Variants in NRIP1 observed in about 807,000 individuals in gnomAD.
The protein encoded by NRIP1 is nuclear receptor-interacting protein 1.
NRIP1 carries 28 observed loss-of-function variants against 75.0 expected under a neutral mutation model. The ratio of observed to expected loss-of-function variants is 0.37; its 90% CI spans 0.28 to 0.51. NRIP1 has a LOEUF of 0.51. NRIP1 is among the 20% of genes least tolerant of loss of function. The probability of loss-of-function intolerance (pLI) is 0.92; values close to 1 mark genes in which losing one functional copy is unlikely to be tolerated. For missense variants in NRIP1, 1,435 were observed against 1,343.7 expected, an observed-to-expected ratio of 1.07 and a Z score of -1.06; for synonymous variants, 526 against 487.6, an observed-to-expected ratio of 1.08 and a Z score of -1.04.
intron 3 of NRIP1, among the ~76,000 whole-genome samples, chr21:15,010,355 A>T (rs900751864): frequency 6.6e-6 from 1 of 151,906 alleles, no homozygotes; most frequent in Non-Finnish European, 1.5e-5. Context: ...AATTATTTTG[A>T]TTCCTTCATT....
chr21:15,050,169 T>C (rs1251778706), intron 1 of NRIP1: 1 of 153,344 alleles, frequency 6.5e-6, no homozygotes, highest in African/African-American at 2.4e-5. Flanking sequence ...ATGAAATATA[T>C]GTGTGTAACT....
In NRIP1 at chr21:14,964,962, A is replaced by G; in HGVS notation, c.3231T>C (p.Asn1077=). 1 of 1,613,984 alleles carries G rather than the reference A, an allele frequency of 6.2e-7. No homozygotes were observed. ...CTTGTGTTTCTCGACTGGTAACAGA[A>G]TTGCCTCCTTTTTGAAGCATGTAAT... The part of the protein sequence containing the change: ...ILYYMLQKGG[N]SVTSRETQDK... The change falls in exon 4 of 4, where the codon AAT becomes AAC. Residue 1077 remains asparagine (N), a synonymous_variant. Coordinates refer to ENST00000318948, the MANE Select transcript of NRIP1 (RefSeq NM_003489.4).
At position 14,968,157 on chromosome 21, in the gene NRIP1, G is replaced by A. The variant is rs1176247734; in HGVS notation, c.36C>T (p.His12=). The part of the protein sequence containing the change: ...THGEELGSDV[H]QDSIVLTYLE... ...GGTAAGTTAAAACAATAGAATCCTG[G>A]TGCACATCAGAGCCAAGCTCTTCTC... The change falls in exon 4 of 4, where the codon CAC becomes CAT. Residue 12 remains histidine (H), a synonymous_variant. Coordinates refer to ENST00000318948, the MANE Select transcript of NRIP1 (RefSeq NM_003489.4). 1 of 1,613,302 alleles carries A rather than the reference G, an allele frequency of 6.2e-7. No individual in the cohort carries two copies. The highest frequency in any genetic ancestry group is 1.7e-5 in the Admixed American group (1 of 59,944).
chr21:15,061,455 T>C (rs1334335688), intron 1 of NRIP1, among the ~76,000 whole-genome samples: 1 of 152,132 alleles, frequency 6.6e-6, no homozygotes, highest in Non-Finnish European at 1.5e-5. Context: ...CTAGACAGTG[T>C]TTATTTTAGA....
intron 1 of NRIP1, among the ~76,000 whole-genome samples, chr21:15,059,114 G>A (rs1158134869): frequency 6.6e-6 from 1 of 152,114 alleles, no homozygotes; most frequent in Non-Finnish European, 1.5e-5. Flanking sequence ...CCAAAGCTCT[G>A]AATAAACATC....
chr21:15,019,500 T>C (rs1165682875), intron 2 of NRIP1, among the ~76,000 whole-genome samples: 2 of 124,076 alleles, frequency 1.6e-5, no homozygotes, highest in Non-Finnish European at 3.2e-5. Flanking sequence ...TTTTTTTTTT[T>C]TTTTTTGAGA....
intron 3 of NRIP1, among the ~76,000 whole-genome samples, chr21:14,995,751 G>C (rs991915873): frequency 2.7e-5 from 4 of 150,470 alleles, no homozygotes; most frequent in African/African-American, 9.7e-5. Context: ...GTGATAACTG[G>C]TTTAGCTGTG....
intron 3 of NRIP1, among the ~76,000 whole-genome samples, chr21:14,999,917 G>T (rs560650372): frequency 7.6e-4 from 115 of 152,280 alleles, no homozygotes; most frequent in African/African-American, 2.7e-3. Context: ...ATTAACTGGT[G>T]ATTTTCTTGG....
chr21:15,058,801 T>C (rs1174022274), intron 1 of NRIP1, among the ~76,000 whole-genome samples: 1 of 152,180 alleles, frequency 6.6e-6, no homozygotes, highest in East Asian at 1.9e-4. Context: ...ATTAAAAACA[T>C]GTAACTATAA....
intron 3 of NRIP1, among the ~76,000 whole-genome samples, chr21:14,975,529 A>G (rs1055359567): frequency 2.6e-5 from 4 of 151,476 alleles, no homozygotes; most frequent in Non-Finnish European, 4.4e-5. Flanking sequence ...AGGTGGGAGG[A>G]TCACTGGAGC....
intron 2 of NRIP1, among the ~76,000 whole-genome samples, chr21:15,040,939 G>C (rs941159083): frequency 1.1e-4 from 17 of 151,994 alleles, no homozygotes; most frequent in African/African-American, 4.1e-4. Flanking sequence ...TAAAAGCACT[G>C]TAAGTACCTA....
At chr21:15,023,783 C>A (rs972211667) in intron 2 of NRIP1, among the ~76,000 whole-genome samples, 3 of 152,092 alleles carry the variant, frequency 2.0e-5, no homozygotes, top group African/African-American at 7.2e-5. Flanking sequence ...ACTTGCCTTG[C>A]CAGATACCAA....
intron 3 of NRIP1, among the ~76,000 whole-genome samples, chr21:14,980,766 T>C (rs1047228810): frequency 6.6e-5 from 10 of 152,268 alleles, no homozygotes; most frequent in East Asian, 3.9e-4. Context: ...TTATGCTATA[T>C]GTACATGTAA....
At chr21:15,017,169 C>T (rs981783919) in intron 2 of NRIP1, among the ~76,000 whole-genome samples, 1 of 151,990 alleles carries the variant, frequency 6.6e-6, no homozygotes, top group Admixed American at 6.6e-5. Flanking sequence ...AGAAAACCAC[C>T]AACTCCTGAG....
In NRIP1 at chr21:15,035,867, T is replaced by C. The variant is rs932354923; in HGVS notation, c.-458+7628A>G. On this transcript the variant is annotated intron_variant, in intron 2 of 3. Transcript: ENST00000318948. ...ATGTATATGACTTTCTAACAAATAC[T>C]GTAATGATGCTATTCATCCTTAATA... 2.6e-5 allele frequency among the ~76,000 whole-genome samples: 4 copies of C among 152,192 alleles called. No individual in the cohort carries two copies. The South Asian group carries it at 8.3e-4, about 31-fold the overall frequency.
At chr21:15,007,456 A>C (rs1030225119) in intron 3 of NRIP1, among the ~76,000 whole-genome samples, 12 of 152,194 alleles carry the variant, frequency 7.9e-5, no homozygotes, top group Non-Finnish European at 1.8e-4. Context: ...AATAATTACT[A>C]TATCTCAAGC....
At chr21:14,998,657 T>G (rs1397145345) in intron 3 of NRIP1, among the ~76,000 whole-genome samples, 1 of 152,232 alleles carries the variant, frequency 6.6e-6, no homozygotes, top group Non-Finnish European at 1.5e-5. Context: ...CTCCTTAGCC[T>G]ACTTAATGTG....
At chr21:15,057,541 T>G (rs572316782) in intron 1 of NRIP1, among the ~76,000 whole-genome samples, 1 of 152,324 alleles carries the variant, frequency 6.6e-6, no homozygotes, top group African/African-American at 2.4e-5. Context: ...GGCAACAATG[T>G]GCCTTCCCAG....
chr21:15,030,160 A>G (rs1415174423), intron 2 of NRIP1, among the ~76,000 whole-genome samples: 1 of 152,254 alleles, frequency 6.6e-6, no homozygotes, highest in African/African-American at 2.4e-5. Context: ...GAGGAGTGAC[A>G]TCACCAAGTC....
Sources: allele counts gnomAD v4.1 joint callset (sites outside exome capture counted in the v4.1 genomes callset), GRCh38; gene constraint gnomAD v4.1.1; transcripts MANE v1.5; gene names NCBI Gene and HGNC (gene_info 2026-07-23, HGNC 2026-07-21).